CDH20: variants seen among roughly 807,000 people sequenced by gnomAD.
The protein encoded by CDH20 is cadherin-20.
In CDH20, 29 loss-of-function variants were observed where a neutral mutation model predicts 74.2. The observed-to-expected ratio is 0.39, with a 90% CI of 0.29 to 0.53. The LOEUF (loss-of-function observed/expected upper bound fraction) is 0.53, where lower values mean the gene tolerates loss of function less well. Among genes scored for constraint, CDH20 ranks in the 20% least tolerant of loss-of-function variants. The pLI, the probability that CDH20 is intolerant of heterozygous loss-of-function variation, is 0.69. For missense variants in CDH20, 988 were observed against 1,048.3 expected (o/e 0.94, Z 0.79); for synonymous variants, 469 against 405.4 (o/e 1.16, Z -1.88).
At chr18:61,495,207 A>G (rs1361307819) in intron 2 of CDH20, among the ~76,000 whole-genome samples, 1 of 152,248 alleles carries the variant, frequency 6.6e-6, no homozygotes, top group Admixed American at 6.5e-5. Flanking sequence ...TGAATTAAAT[A>G]TGGGCAAATA....
intron 1 of CDH20, among the ~76,000 whole-genome samples, chr18:61,341,341 C>T (rs996179083): frequency 6.6e-6 from 1 of 152,086 alleles, no homozygotes; most frequent in African/African-American, 2.4e-5. Flanking sequence ...AAGAGAGCTG[C>T]CTGGGGTCCC....
chr18:61,362,137 A>T (rs1910713689), intron 1 of CDH20, among the ~76,000 whole-genome samples: 1 of 152,180 alleles, frequency 6.6e-6, no homozygotes. Flanking sequence ...TCTTCCCATA[A>T]CCCAAAACCA....
At chr18:61,521,720 C>A (rs1363645729) in intron 6 of CDH20, among the ~76,000 whole-genome samples, 1 of 146,536 alleles carries the variant, frequency 6.8e-6, no homozygotes, top group Non-Finnish European at 1.5e-5. Flanking sequence ...AAAAGATTAT[C>A]CACCACGATC....
intron 1 of CDH20, among the ~76,000 whole-genome samples, chr18:61,466,585 C>A (rs1909970105): frequency 6.6e-6 from 1 of 152,100 alleles, no homozygotes. Context: ...AGGATTAAGT[C>A]CATGGAAATC....
At chr18:61,438,566 G>T (rs968537368) in intron 1 of CDH20, among the ~76,000 whole-genome samples, 1 of 152,052 alleles carries the variant, frequency 6.6e-6, no homozygotes, top group Non-Finnish European at 1.5e-5. Context: ...GATATCTCAT[G>T]CCAGTCAGAA....
chr18:61,493,213 G>A (rs1475072830), intron 2 of CDH20, among the ~76,000 whole-genome samples: 1 of 151,966 alleles, frequency 6.6e-6, no homozygotes, highest in Non-Finnish European at 1.5e-5. Context: ...CCCCATATCT[G>A]CCAATATTTC....
intron 7 of CDH20, among the ~76,000 whole-genome samples, chr18:61,528,926 C>T (rs1033626934): frequency 5.3e-5 from 8 of 152,162 alleles, no homozygotes; most frequent in Non-Finnish European, 1.2e-4. Context: ...AACTTCAATG[C>T]CTTGTAGACT....
At chr18:61,520,558 G>A (rs1912169162) in intron 6 of CDH20, among the ~76,000 whole-genome samples, 2 of 150,570 alleles carry the variant, frequency 1.3e-5, no homozygotes, top group African/African-American at 5.0e-5. Context: ...AGGATATTCA[G>A]GACTTGAACT....
At chr18:61,390,191 A>C (rs183795900) in intron 1 of CDH20, among the ~76,000 whole-genome samples, 1 of 152,290 alleles carries the variant, frequency 6.6e-6, no homozygotes, top group Admixed American at 6.5e-5. Context: ...TACTCGAAAC[A>C]GCACCCAGCA....
intron 1 of CDH20, among the ~76,000 whole-genome samples, chr18:61,384,991 A>T (rs573382105): frequency 6.6e-6 from 1 of 152,158 alleles, no homozygotes; most frequent in Admixed American, 6.5e-5. Context: ...TAGATGCATT[A>T]TCTCCTTTTA....
chr18:61,456,006 A>ACCC (rs1440675984), intron 1 of CDH20, among the ~76,000 whole-genome samples: 1 of 152,140 alleles, frequency 6.6e-6, no homozygotes, highest in African/African-American at 2.4e-5. Context: ...TAAATCCTGG[A>ACCC]CCCCCTTCAC....
chr18:61,553,392 TA>T (rs1913503379), intron 11 of CDH20, among the ~76,000 whole-genome samples: 1 of 152,154 alleles, frequency 6.6e-6, no homozygotes, highest in South Asian at 2.1e-4. Flanking sequence ...GAACACATTC[TA>T]GGGGGGAAAA....
chr18:61,408,105 G>A (rs931849365), intron 1 of CDH20, among the ~76,000 whole-genome samples: 9 of 152,062 alleles, frequency 5.9e-5, no homozygotes, highest in East Asian at 1.9e-4. Context: ...ATTTAAAAGC[G>A]AAAGAGCTTT....
At position 61,550,166 on chromosome 18, in the gene CDH20, C is replaced by G; in HGVS notation, c.1837C>G (p.Leu613Val). 1 of 1,614,188 alleles carries G rather than the reference C, an allele frequency of 6.2e-7. No individual in the cohort carries two copies. The highest frequency in any genetic ancestry group is 8.5e-7 in the Non-Finnish European group (1 of 1,180,054). The part of the protein sequence containing the change: ...VMSCSPEAYM[L>V]PVSLSRGALI... ...GTCCTGCAGCCCAGAGGCCTACATG[C>G]TCCCAGTCAGTTTGAGCCGGGGCGC... is the stretch of plus-strand genomic sequence containing the variant. Residue 613 changes from leucine to valine, a missense_variant, in exon 11 of 12, where the codon CTC becomes GTC. By Grantham distance (32) the Leu-to-Val change is conservative. Transcript: ENST00000262717.
intron 1 of CDH20, among the ~76,000 whole-genome samples, chr18:61,472,776 C>T (rs75198390): frequency 0.011 from 1,675 of 152,284 alleles, 32 homozygotes; most frequent in African/African-American, 0.037. Flanking sequence ...TTCCTGCCAA[C>T]AGAAAATCTT....
chr18:61,506,141 T>G (rs1911552175), intron 5 of CDH20, among the ~76,000 whole-genome samples: 1 of 152,218 alleles, frequency 6.6e-6, no homozygotes, highest in African/African-American at 2.4e-5. Flanking sequence ...ATATAATGTA[T>G]CATGTAGAAA....
chr18:61,384,251 TATC>T (rs765497783), intron 1 of CDH20, among the ~76,000 whole-genome samples: 13 of 152,200 alleles, frequency 8.5e-5, no homozygotes, highest in Non-Finnish European at 1.8e-4. Context: ...TAAAATCGTT[TATC>T]ATCATCATTC....
At chr18:61,400,006 T>C (rs1912104992) in intron 1 of CDH20, among the ~76,000 whole-genome samples, 1 of 152,242 alleles carries the variant, frequency 6.6e-6, no homozygotes, top group South Asian at 2.1e-4. Context: ...TAGGATAATG[T>C]TCTTTTCCTC....
chr18:61,344,066 A>G (rs998609894), intron 1 of CDH20, among the ~76,000 whole-genome samples: 1 of 152,166 alleles, frequency 6.6e-6, no homozygotes, highest in African/African-American at 2.4e-5. Context: ...ACTCTTTCTT[A>G]GAGGCTATTG....
Sources: gnomAD v4.1 joint callset for allele counts (sites outside exome capture counted in the v4.1 genomes callset) on GRCh38, gnomAD v4.1.1 for gene constraint, MANE v1.5 for transcripts, NCBI Gene and HGNC (gene_info 2026-07-23, HGNC 2026-07-21) for gene names.